ADGRL2: variants seen among roughly 807,000 people sequenced by gnomAD.
ADGRL2 encodes the protein calcium-independent alpha-latrotoxin receptor 2.
Under a neutral mutation model 157.4 loss-of-function variants are expected in ADGRL2, and 44 were observed. That is an observed-to-expected ratio of 0.28 (90% CI 0.22 to 0.36). The LOEUF (loss-of-function observed/expected upper bound fraction) is 0.36. ADGRL2 is among the 10% of genes least tolerant of loss of function. The pLI is 1.00. For synonymous variants in ADGRL2, 585 were observed against 624.7 expected (o/e 0.94, Z 0.95); for missense variants, 1,510 against 1,768.9 (o/e 0.85, Z 2.63).
At chr1:81,581,029 A>T (rs938415439) in intron 3 of ADGRL2, 1 of 152,096 alleles carries the variant, frequency 6.6e-6, no homozygotes, top group Non-Finnish European at 1.5e-5. Flanking sequence ...TTTAAGAAAA[A>T]TTTTCTCAGA....
intron 2 of ADGRL2, among the ~76,000 whole-genome samples, chr1:81,541,827 G>C (rs1178648544): frequency 2.6e-5 from 4 of 151,280 alleles, no homozygotes; most frequent in Non-Finnish European, 5.9e-5. Context: ...GCGTGGTGGC[G>C]CATGCCTGTA....
intron 2 of ADGRL2, among the ~76,000 whole-genome samples, chr1:81,787,651 G>T (rs1225639854): frequency 6.6e-6 from 1 of 151,510 alleles, no homozygotes; most frequent in Admixed American, 6.6e-5. Context: ...CAAGACACTT[G>T]TCTCAAAAAA....
intron 1 of ADGRL2, among the ~76,000 whole-genome samples, chr1:81,379,725 A>G (rs373011825): frequency 1.6e-4 from 24 of 152,168 alleles, no homozygotes; most frequent in Admixed American, 6.5e-4. Context: ...CATGTTCTCT[A>G]CAAGTCCAGC....
chr1:81,513,528 G>A (rs932394211), intron 2 of ADGRL2, among the ~76,000 whole-genome samples: 2 of 152,142 alleles, frequency 1.3e-5, no homozygotes, highest in African/African-American at 4.8e-5. Flanking sequence ...CTCAGTGAGG[G>A]AAGGACTAGT....
chr1:81,913,844 A>G (rs997689948), intron 3 of ADGRL2, among the ~76,000 whole-genome samples: 2 of 152,168 alleles, frequency 1.3e-5, no homozygotes, highest in Admixed American at 6.6e-5. Context: ...TCATTCATTT[A>G]ATATCTTACT....
At chr1:81,339,160 C>A (rs201606173) in intron 1 of ADGRL2, among the ~76,000 whole-genome samples, 3 of 152,240 alleles carry the variant, frequency 2.0e-5, no homozygotes, top group Non-Finnish European at 2.9e-5. Flanking sequence ...AGAGATAAGG[C>A]CTTCCCATGG....
chr1:81,555,233 A>T (rs1442663570), intron 2 of ADGRL2, among the ~76,000 whole-genome samples: 1 of 151,302 alleles, frequency 6.6e-6, no homozygotes, highest in Non-Finnish European at 1.5e-5. Flanking sequence ...TCACCCAGTG[A>T]GAGCCAAATA....
At chr1:81,721,187 C>A (rs58491674) in intron 1 of ADGRL2, among the ~76,000 whole-genome samples, 48,541 of 151,748 alleles carry the variant, frequency 0.32, 8,064 homozygotes, top group Admixed American at 0.43. Flanking sequence ...TAAACAATTT[C>A]TTTTTGCTAA....
At chr1:81,447,042 ATAC>A (rs1204949185) in intron 2 of ADGRL2, among the ~76,000 whole-genome samples, 1 of 152,174 alleles carries the variant, frequency 6.6e-6, no homozygotes, top group African/African-American at 2.4e-5. Flanking sequence ...AGAACTAACC[ATAC>A]TATTATAATT....
intron 3 of ADGRL2, among the ~76,000 whole-genome samples, chr1:81,683,793 C>G (rs145867792): frequency 1.1e-3 from 171 of 151,922 alleles, no homozygotes; most frequent in African/African-American, 3.8e-3. Flanking sequence ...CACGCTTGTG[C>G]AAGTGTCTTT....
chr1:81,630,195 A>C (rs1400282579), intron 3 of ADGRL2, among the ~76,000 whole-genome samples: 2 of 152,078 alleles, frequency 1.3e-5, no homozygotes, highest in Admixed American at 6.6e-5. Context: ...TAAGGCAGGG[A>C]CATTAGCTGA....
intron 18 of ADGRL2, chr1:81,980,822 T>C: frequency 2.8e-6 from 2 of 720,278 alleles, no homozygotes; most frequent in East Asian, 5.0e-5. Context: ...ATGGCTACTA[T>C]AATACGGACT....
intron 1 of ADGRL2, among the ~76,000 whole-genome samples, chr1:81,708,659 C>T (rs574373333): frequency 1.0e-4 from 11 of 108,108 alleles, no homozygotes; most frequent in East Asian, 2.5e-4. Flanking sequence ...TATATATACA[C>T]ACACACATAT....
At chr1:81,867,394 G>A (rs1333849136) in intron 2 of ADGRL2, among the ~76,000 whole-genome samples, 4 of 152,172 alleles carry the variant, frequency 2.6e-5, no homozygotes, top group African/African-American at 9.7e-5. Context: ...GGAGTATTCT[G>A]ACTGCTGTTG....
At chr1:81,584,297 G>T (rs2080979203) in intron 3 of ADGRL2, among the ~76,000 whole-genome samples, 1 of 152,010 alleles carries the variant, frequency 6.6e-6, no homozygotes, top group African/African-American at 2.4e-5. Flanking sequence ...AATTTTAATG[G>T]TATTTTTAAA....
At chr1:81,597,875 C>G (rs2081265660) in intron 3 of ADGRL2, among the ~76,000 whole-genome samples, 1 of 152,054 alleles carries the variant, frequency 6.6e-6, no homozygotes, top group South Asian at 2.1e-4. Context: ...GGGAAGAAAA[C>G]CAATAGAAGA....
chr1:81,461,934 G>T (rs1241153511), intron 2 of ADGRL2, among the ~76,000 whole-genome samples: 9 of 143,828 alleles, frequency 6.3e-5, no homozygotes, highest in African/African-American at 2.3e-4. Flanking sequence ...GAAGAAAGGG[G>T]GGGGGGGGTG....
At chr1:81,589,061 T>C (rs2081081399) in intron 3 of ADGRL2, among the ~76,000 whole-genome samples, 2 of 152,166 alleles carry the variant, frequency 1.3e-5, no homozygotes, top group African/African-American at 4.8e-5. Context: ...ATTCTAATCA[T>C]TGAGGACAGA....
chr1:81,591,965 G>T (rs571446099), intron 3 of ADGRL2, among the ~76,000 whole-genome samples: 1 of 152,160 alleles, frequency 6.6e-6, no homozygotes, highest in Admixed American at 6.5e-5. Flanking sequence ...GACATCCCTG[G>T]ACTCCTGACC....
Sources: allele counts gnomAD v4.1 joint callset (sites outside exome capture counted in the v4.1 genomes callset), GRCh38; gene constraint gnomAD v4.1.1; transcripts MANE v1.5; gene names NCBI Gene and HGNC (gene_info 2026-07-23, HGNC 2026-07-21).